Variants in ADAMTS19 observed in about 807,000 individuals in gnomAD.
ADAMTS19 encodes the protein A disintegrin and metalloproteinase with thrombospondin motifs 19.
ADAMTS19 carries 93 observed loss-of-function variants against 153.3 expected under a neutral mutation model. That is an observed-to-expected ratio of 0.61 (90% CI 0.51 to 0.72). The LOEUF (loss-of-function observed/expected upper bound fraction) is 0.72. ADAMTS19 is among the 30% of genes least tolerant of loss of function. The pLI is 0.00. For synonymous variants in ADAMTS19, 600 were observed against 556.6 expected (o/e 1.08, Z -1.10); for missense variants, 1,482 against 1,552.1 (o/e 0.95, Z 0.76).
chr5:129,509,993 TAA>T (rs961008959), intron 3 of ADAMTS19, among the ~76,000 whole-genome samples: 72 of 152,034 alleles, frequency 4.7e-4, no homozygotes, highest in African/African-American at 1.6e-3. Flanking sequence ...AGAAAAAAAT[TAA>T]AAGTTTTCCT....
intron 7 of ADAMTS19, among the ~76,000 whole-genome samples, chr5:129,594,362 G>A (rs1423029418): frequency 1.3e-5 from 2 of 152,054 alleles, no homozygotes; most frequent in Non-Finnish European, 2.9e-5. Flanking sequence ...ATCTGAACAG[G>A]GTGGTGGGAC....
At position 129,552,995 on chromosome 5, in the gene ADAMTS19, T is replaced by A. The variant is rs574183143; in HGVS notation, c.1372+1088T>A. 2.0e-3 allele frequency among the ~76,000 whole-genome samples: 306 copies of A among 152,188 alleles called. 1 individual carries two copies. Among genetic ancestry groups the A allele is most frequent in the Middle Eastern group, 3.4e-3 (1 of 294 alleles). On this transcript the variant is annotated intron_variant, in intron 7 of 22. Coordinates refer to ENST00000274487, the MANE Select transcript of ADAMTS19 (RefSeq NM_133638.6). The stretch of plus-strand genomic sequence containing the variant: ...AAAAGCGGAATTGATGTAGGGACCA[T>A]CTTCCTACTGTTGACTCTCTTGCCT...
At chr5:129,701,186 G>A (rs969196307) in intron 19 of ADAMTS19, among the ~76,000 whole-genome samples, 4 of 150,686 alleles carry the variant, frequency 2.7e-5, no homozygotes, top group Non-Finnish European at 5.9e-5. Context: ...CCTGCCATAC[G>A]AGATGTGTCT....
At chr5:129,683,818 A>T (rs1347874171) in intron 17 of ADAMTS19, among the ~76,000 whole-genome samples, 3 of 149,986 alleles carry the variant, frequency 2.0e-5, no homozygotes, top group Non-Finnish European at 3.0e-5. Context: ...TAGTCCATCA[A>T]ATTGAAAGAA....
chr5:129,470,512 A>C (rs1750026571), intron 2 of ADAMTS19, among the ~76,000 whole-genome samples: 1 of 152,220 alleles, frequency 6.6e-6, no homozygotes, highest in Non-Finnish European at 1.5e-5. Flanking sequence ...TTTAGGGTGC[A>C]GCTATAGTGA....
chr5:129,699,375 A>T (rs1202368677), intron 19 of ADAMTS19, among the ~76,000 whole-genome samples: 1 of 150,130 alleles, frequency 6.7e-6, no homozygotes, highest in African/African-American at 2.4e-5. Context: ...GTGAGCCAAG[A>T]TTGTACCATT....
chr5:129,469,448 G>T (rs1282278978), intron 2 of ADAMTS19, among the ~76,000 whole-genome samples: 1 of 152,094 alleles, frequency 6.6e-6, no homozygotes, highest in African/African-American at 2.4e-5. Flanking sequence ...TTGTAGGAGA[G>T]TAAATTTGTA....
At chr5:129,548,957 A>T (rs961345441) in intron 6 of ADAMTS19, among the ~76,000 whole-genome samples, 1 of 144,368 alleles carries the variant, frequency 6.9e-6, no homozygotes, top group African/African-American at 2.6e-5. Flanking sequence ...GTTCTCACTC[A>T]TAGATGGGAA....
At chr5:129,655,990 G>A (rs1753532876) in intron 14 of ADAMTS19, among the ~76,000 whole-genome samples, 1 of 152,060 alleles carries the variant, frequency 6.6e-6, no homozygotes, top group Non-Finnish European at 1.5e-5. Flanking sequence ...TTCTGTACTA[G>A]TAGAGCTTTC....
At chr5:129,591,024 C>T (rs1212090903) in intron 7 of ADAMTS19, among the ~76,000 whole-genome samples, 1 of 152,126 alleles carries the variant, frequency 6.6e-6, no homozygotes, top group Non-Finnish European at 1.5e-5. Flanking sequence ...CCTAGGCCAC[C>T]ACCTCTGTGA....
Position 129,610,091 on chromosome 5 carries a change from TA to T in ADAMTS19, c.1479-10526del, listed in dbSNP as rs1561600852. ...TGAATGCTTACATTCTAGGTAGTGG[TA>T]TTATATATATATATATATATATTAT... On this transcript the variant is annotated intron_variant, in intron 8 of 22. Transcript: ENST00000274487. 2.8e-3 allele frequency among the ~76,000 whole-genome samples: 389 copies of T among 141,214 alleles called. 1 individual carries two copies. Among genetic ancestry groups the T allele is most frequent in the African/African-American group, 0.012 (376 of 32,624 alleles). 92.6% of individuals were successfully genotyped at this position (141,214 alleles called of 152,430 possible).
chr5:129,722,216 C>T (rs1198288615), intron 21 of ADAMTS19, among the ~76,000 whole-genome samples: 1 of 152,184 alleles, frequency 6.6e-6, no homozygotes, highest in African/African-American at 2.4e-5. Flanking sequence ...ACATTCCCAC[C>T]AGCAGTGTAA....
chr5:129,647,918 G>T (rs1305548429), intron 12 of ADAMTS19, 23 bp downstream of exon 12: 2 of 1,596,960 alleles, frequency 1.3e-6, no homozygotes, highest in Admixed American at 1.7e-5. Context: ...TTCCTGGTTG[G>T]GGGAGGGCAC....
intron 21 of ADAMTS19, among the ~76,000 whole-genome samples, chr5:129,709,989 T>C (rs1756364483): frequency 6.6e-6 from 1 of 151,996 alleles, no homozygotes; most frequent in African/African-American, 2.4e-5. Context: ...TAATTTTAAG[T>C]TCCGGGATAC....
intron 2 of ADAMTS19, among the ~76,000 whole-genome samples, chr5:129,500,968 A>T (rs1438760190): frequency 1.3e-5 from 2 of 152,190 alleles, no homozygotes; most frequent in Admixed American, 1.3e-4. Context: ...ATAAAATTCT[A>T]AAATATATCT....
At chr5:129,607,426 T>C (rs1055608246) in intron 8 of ADAMTS19, among the ~76,000 whole-genome samples, 11 of 152,322 alleles carry the variant, frequency 7.2e-5, no homozygotes, top group Non-Finnish European at 4.4e-5. Context: ...CTCCAACATA[T>C]GTTGTACAAG....
intron 14 of ADAMTS19, among the ~76,000 whole-genome samples, chr5:129,658,347 A>AAGAGAGAGAGAGAGAG (rs1294171239): frequency 1.7e-5 from 2 of 115,992 alleles, no homozygotes; most frequent in African/African-American, 7.4e-5. Flanking sequence ...GAAAGAAAGA[A>AAGAGAGAGAGAGAGAG]AGAAAGAAAG....
At chr5:129,654,658 CTG>C (rs1561629865) in intron 14 of ADAMTS19, among the ~76,000 whole-genome samples, 1 of 152,120 alleles carries the variant, frequency 6.6e-6, no homozygotes, top group Non-Finnish European at 1.5e-5. Context: ...CTATTACTAA[CTG>C]AAAGAATCTG....
At chr5:129,464,607 G>A (rs1284254928) in intron 2 of ADAMTS19, among the ~76,000 whole-genome samples, 1 of 152,136 alleles carries the variant, frequency 6.6e-6, no homozygotes, top group African/African-American at 2.4e-5. Flanking sequence ...CCAGTAAAGT[G>A]AACATTTATA....
Sources: allele counts gnomAD v4.1 joint callset (sites outside exome capture counted in the v4.1 genomes callset), GRCh38; gene constraint gnomAD v4.1.1; transcripts MANE v1.5; gene names NCBI Gene and HGNC (gene_info 2026-07-23, HGNC 2026-07-21).